ZMAT4: variants seen among roughly 807,000 people sequenced by gnomAD.
ZMAT4 encodes zinc finger matrin-type 4, also known as zinc finger matrin-type protein 4.
A neutral mutation model predicts 28.7 loss-of-function variants in ZMAT4; 17 were observed. The observed-to-expected ratio is 0.59, with a 90% CI of 0.41 to 0.89. ZMAT4 has a LOEUF of 0.89. Ranked by LOEUF, ZMAT4 falls within the 40% of genes least tolerant of loss-of-function variation. The pLI is 0.00. For missense variants in ZMAT4, 240 were observed against 283.8 expected (o/e 0.85, Z 1.11); for synonymous variants, 117 against 109.2 (o/e 1.07, Z -0.44).
chr8:40,748,262 G>T (rs532552308), intron 3 of ZMAT4, among the ~76,000 whole-genome samples: 18 of 152,188 alleles, frequency 1.2e-4, no homozygotes, highest in African/African-American at 4.3e-4. Flanking sequence ...TTTGCTATAC[G>T]GAGTCACAGA....
intron 5 of ZMAT4, among the ~76,000 whole-genome samples, chr8:40,661,383 A>G (rs1241680051): frequency 2.0e-5 from 3 of 152,258 alleles, no homozygotes; most frequent in Admixed American, 1.3e-4. Context: ...TACCGGCATC[A>G]GCCATCATGC....
At chr8:40,816,191 A>G (rs1460822330) in intron 2 of ZMAT4, among the ~76,000 whole-genome samples, 1 of 152,140 alleles carries the variant, frequency 6.6e-6, no homozygotes, top group African/African-American at 2.4e-5. Flanking sequence ...AACCTGGGAG[A>G]TATGATATTG....
At chr8:40,870,750 A>C (rs1694235747) in intron 1 of ZMAT4, among the ~76,000 whole-genome samples, 1 of 152,228 alleles carries the variant, frequency 6.6e-6, no homozygotes, top group Admixed American at 6.5e-5. Flanking sequence ...TAACTGAATA[A>C]AAAGAGGCAA....
At chr8:40,737,902 C>T (rs2150532004) in intron 3 of ZMAT4, among the ~76,000 whole-genome samples, 2 of 152,002 alleles carry the variant, frequency 1.3e-5, no homozygotes, top group East Asian at 3.9e-4. Flanking sequence ...AGAGTCTGGT[C>T]CACTGCAGGC....
chr8:40,735,749 C>A (rs913718443), intron 3 of ZMAT4, among the ~76,000 whole-genome samples: 2 of 152,144 alleles, frequency 1.3e-5, no homozygotes, highest in African/African-American at 4.8e-5. Context: ...TTCAGTGTCT[C>A]ACTATTAAGA....
At chr8:40,877,488 AC>A (rs1251515512) in intron 1 of ZMAT4, among the ~76,000 whole-genome samples, 1 of 152,198 alleles carries the variant, frequency 6.6e-6, no homozygotes, top group East Asian at 1.9e-4. Context: ...CCCTCTGAAG[AC>A]AGGAGCTAAT....
intron 3 of ZMAT4, among the ~76,000 whole-genome samples, chr8:40,718,506 A>AT (rs56787870): frequency 3.2e-4 from 49 of 151,932 alleles, no homozygotes; most frequent in African/African-American, 1.1e-3. Flanking sequence ...TGCAATTATG[A>AT]TTTTTTTTTA....
At chr8:40,798,214 C>T (rs1814676845) in intron 2 of ZMAT4, among the ~76,000 whole-genome samples, 1 of 152,182 alleles carries the variant, frequency 6.6e-6, no homozygotes, top group Admixed American at 6.5e-5. Flanking sequence ...CAAACCAGAG[C>T]AGATATGCTC....
rs114937674 is a variant in ZMAT4 at position 40,758,119 on chromosome 8, G to A, written c.192+9522C>T. On this transcript the variant is annotated intron_variant, in intron 3 of 6. Coordinates refer to ENST00000297737, the MANE Select transcript of ZMAT4 (RefSeq NM_024645.3). ...CTTCTTTTTTCCTCAGCTTGCAGGC[G>A]GCCTATTGTTGGATCTCACCTTGTG... 7.4e-3 allele frequency among the ~76,000 whole-genome samples: 1,123 copies of A among 152,106 alleles called. 13 individuals are homozygous for A. The highest frequency in any genetic ancestry group is 0.025 in the African/African-American group (1,052 of 41,494).
intron 5 of ZMAT4, among the ~76,000 whole-genome samples, chr8:40,655,228 TA>T (rs558071587): frequency 7.9e-5 from 12 of 152,188 alleles, no homozygotes; most frequent in African/African-American, 2.4e-4. Flanking sequence ...TGCAATTGTG[TA>T]AAAAAATTAG....
At chr8:40,848,469 GT>G (rs1242538888) in intron 1 of ZMAT4, among the ~76,000 whole-genome samples, 2 of 152,192 alleles carry the variant, frequency 1.3e-5, no homozygotes, top group African/African-American at 4.8e-5. Context: ...TTGGAGAAAA[GT>G]GGGAGGTGGC....
At chr8:40,873,308 C>T (rs970040384) in intron 1 of ZMAT4, among the ~76,000 whole-genome samples, 2 of 152,252 alleles carry the variant, frequency 1.3e-5, no homozygotes, top group South Asian at 2.1e-4. Flanking sequence ...TTTAATGGCT[C>T]TCAGAAATAA....
In ZMAT4 at chr8:40,719,615, G is replaced by T. The variant is rs185211980; in HGVS notation, c.193-22214C>A. On this transcript the variant is annotated intron_variant, in intron 3 of 6. Coordinates refer to ENST00000297737, the MANE Select transcript of ZMAT4 (RefSeq NM_024645.3). ...TTTTTTTTGAGACGGAGTCACCCAG[G>T]CTGGAGTGCAGTGGTGCAATCTCAA... 2.0e-3 allele frequency among the ~76,000 whole-genome samples: 307 copies of T among 152,102 alleles called. 1 individual carries two copies. The highest frequency in any genetic ancestry group is 2.5e-3 in the Non-Finnish European group (170 of 68,004).
chr8:40,727,422 T>C (rs1811359263), intron 3 of ZMAT4, among the ~76,000 whole-genome samples: 1 of 152,182 alleles, frequency 6.6e-6, no homozygotes, highest in East Asian at 1.9e-4. Flanking sequence ...ATTAAACCAA[T>C]GACTGACAAG....
At chr8:40,761,268 T>C (rs1485979739) in intron 3 of ZMAT4, among the ~76,000 whole-genome samples, 1 of 152,194 alleles carries the variant, frequency 6.6e-6, no homozygotes, top group African/African-American at 2.4e-5. Context: ...TTATTTTGAA[T>C]ATAAAACAAC....
intron 5 of ZMAT4, among the ~76,000 whole-genome samples, chr8:40,607,453 T>G (rs1380906357): frequency 5.9e-5 from 9 of 151,998 alleles, no homozygotes; most frequent in African/African-American, 1.9e-4. Flanking sequence ...CTTTTTAAAA[T>G]TATTTCTTTG....
intron 4 of ZMAT4, among the ~76,000 whole-genome samples, chr8:40,680,823 T>TTATC (rs1809134095): frequency 6.6e-6 from 1 of 152,092 alleles, no homozygotes; most frequent in Non-Finnish European, 1.5e-5. Flanking sequence ...TTCTCCTCTT[T>TTATC]TATCTCCCTT....
chr8:40,855,882 G>A (rs368775380), intron 1 of ZMAT4, among the ~76,000 whole-genome samples: 5 of 150,130 alleles, frequency 3.3e-5, no homozygotes, highest in African/African-American at 1.2e-4. Context: ...GTAGAGATGG[G>A]GTCTCGCTAT....
chr8:40,656,997 A>G (rs573197916), intron 5 of ZMAT4, among the ~76,000 whole-genome samples: 38 of 152,270 alleles, frequency 2.5e-4, no homozygotes, highest in Admixed American at 2.3e-3. Flanking sequence ...GGTAAATGTT[A>G]TGGTGTGTGA....
Sources: gnomAD v4.1 joint callset for allele counts (sites outside exome capture counted in the v4.1 genomes callset) on GRCh38, gnomAD v4.1.1 for gene constraint, MANE v1.5 for transcripts, NCBI Gene and HGNC (gene_info 2026-07-23, HGNC 2026-07-21) for gene names.